EYS: variants seen among roughly 807,000 people sequenced by gnomAD.
The protein encoded by EYS is protein eyes shut homolog.
In EYS, 250 loss-of-function variants were observed where a neutral mutation model predicts 282.1. The ratio of observed to expected loss-of-function variants is 0.89; its 90% CI spans 0.80 to 0.98. The LOEUF is 0.98. EYS is among the 50% of genes least tolerant of loss of function. EYS has a pLI of 0.00. For synonymous variants in EYS, 1,355 were observed against 1,282.9 expected, an observed-to-expected ratio of 1.06 and a Z score of -1.20; for missense variants, 4,016 against 3,709.0, an observed-to-expected ratio of 1.08 and a Z score of -2.15.
chr6:65,111,737 C>T (rs1213555835), intron 12 of EYS, among the ~76,000 whole-genome samples: 1 of 152,144 alleles, frequency 6.6e-6, no homozygotes, highest in East Asian at 1.9e-4. Context: ...ATCCCAGCTA[C>T]TCAGGAGGCT....
At chr6:65,609,006 T>C (rs909714685) in intron 2 of EYS, among the ~76,000 whole-genome samples, 1 of 152,058 alleles carries the variant, frequency 6.6e-6, no homozygotes, top group Non-Finnish European at 1.5e-5. Context: ...TCTTTTTTAA[T>C]AAGTAGAAAG....
chr6:63,959,173 A>G (rs1476065435), intron 35 of EYS, among the ~76,000 whole-genome samples: 3 of 152,200 alleles, frequency 2.0e-5, no homozygotes, highest in Non-Finnish European at 4.4e-5. Context: ...ATTTACAAGA[A>G]TAAAACAACC....
chr6:64,920,465 C>T (rs1768307198), intron 15 of EYS, among the ~76,000 whole-genome samples: 1 of 152,004 alleles, frequency 6.6e-6, no homozygotes, highest in Non-Finnish European at 1.5e-5. Flanking sequence ...GATGATGAAT[C>T]AGTTTCTGAG....
In EYS at chr6:65,098,621, C is replaced by G. The variant is rs530981583; in HGVS notation, c.2024-40894G>C. ...TGCCAGTTTTGACAAGTTATGAATA[C>G]AACTCCCAAGAAGCCAAATACATTT... On this transcript the variant is annotated intron_variant, in intron 12 of 42. Coordinates refer to ENST00000503581, the MANE Select transcript of EYS (RefSeq NM_001142800.2). Among the ~76,000 whole-genome samples the G allele has an allele frequency of 3.3e-5, 5 of 150,866 alleles. No homozygotes were observed. In the East Asian group the frequency reaches 9.7e-4, roughly 29 times the overall value.
chr6:65,465,390 T>C (rs1322901549), intron 5 of EYS, among the ~76,000 whole-genome samples: 1 of 151,916 alleles, frequency 6.6e-6, no homozygotes, highest in Non-Finnish European at 1.5e-5. Flanking sequence ...GGTGGGAAAA[T>C]CACTTGAATC....
chr6:64,063,061 C>T lies in EYS; in HGVS notation c.6725+3277G>A, dbSNP rs759098362. On this transcript the variant is annotated intron_variant, in intron 33 of 42. Coordinates refer to ENST00000503581, the MANE Select transcript of EYS (RefSeq NM_001142800.2). ...TTTTTTGGCTGTTACTTCCTACTTACTCCTTGTCAGACTCTTTTATGATTT... is the reference window on the plus strand; with the variant it reads ...TTTTTTGGCTGTTACTTCCTACTTATTCCTTGTCAGACTCTTTTATGATTT... 2.0e-5 allele frequency among the ~76,000 whole-genome samples: 3 copies of T among 152,194 alleles called. No individual in the cohort carries two copies. In the South Asian group the frequency reaches 6.2e-4, roughly 32 times the overall value.
At chr6:64,168,217 C>T (rs557003374) in intron 31 of EYS, among the ~76,000 whole-genome samples, 7 of 152,028 alleles carry the variant, frequency 4.6e-5, no homozygotes, top group South Asian at 2.1e-4. Flanking sequence ...GCCAAGATCA[C>T]GCCACTGCAC....
chr6:65,333,706 G>T (rs1234261943), intron 11 of EYS, among the ~76,000 whole-genome samples: 1 of 150,484 alleles, frequency 6.6e-6, no homozygotes, highest in African/African-American at 2.4e-5. Flanking sequence ...TTATTTTGAG[G>T]CTCTGTTGTT....
chr6:65,180,557 A>C (rs1313340707), intron 12 of EYS, among the ~76,000 whole-genome samples: 1 of 152,010 alleles, frequency 6.6e-6, no homozygotes, highest in Non-Finnish European at 1.5e-5. Flanking sequence ...AAATAAAAGA[A>C]GATACAAACA....
intron 12 of EYS, among the ~76,000 whole-genome samples, chr6:65,224,480 A>G (rs950870578): frequency 6.6e-6 from 1 of 152,162 alleles, no homozygotes; most frequent in African/African-American, 2.4e-5. Flanking sequence ...CAAATCAACA[A>G]CCTAATGTTA....
At chr6:63,780,180 C>G (rs1770178862) in intron 39 of EYS, among the ~76,000 whole-genome samples, 1 of 152,166 alleles carries the variant, frequency 6.6e-6, no homozygotes, top group African/African-American at 2.4e-5. Context: ...CAAGTCTTTG[C>G]TATTGTGAAT....
chr6:64,854,145 G>C (rs527399021), intron 19 of EYS, among the ~76,000 whole-genome samples: 2 of 152,198 alleles, frequency 1.3e-5, no homozygotes, highest in Non-Finnish European at 2.9e-5. Context: ...CTTTTACACT[G>C]TTGCTGGGAC....
chr6:64,555,502 T>G (rs1765208730), intron 26 of EYS, among the ~76,000 whole-genome samples: 1 of 151,918 alleles, frequency 6.6e-6, no homozygotes, highest in Admixed American at 6.6e-5. Context: ...TGAGTGTTAT[T>G]ACCACAAAAA....
At chr6:65,582,088 C>T (rs1339048569) in intron 2 of EYS, among the ~76,000 whole-genome samples, 2 of 151,130 alleles carry the variant, frequency 1.3e-5, no homozygotes, top group Non-Finnish European at 2.9e-5. Flanking sequence ...CCCAGCTACT[C>T]GGGAGGCTGA....
At position 64,865,793 on chromosome 6, in the gene EYS, A is replaced by G. The variant is rs373265627; in HGVS notation, c.2992+20904T>C. On this transcript the variant is annotated intron_variant, in intron 19 of 42. Coordinates refer to ENST00000503581, the MANE Select transcript of EYS (RefSeq NM_001142800.2). ...TCAATGAAGGATAATGATACCCTAG[A>G]CTGATGTAGCTGCAATAAAGGGAAG... 7.2e-4 allele frequency among the ~76,000 whole-genome samples: 110 copies of G among 152,212 alleles called. 4 individuals are homozygous for G. The South Asian group carries it at 0.023, about 32-fold the overall frequency.
intron 28 of EYS, among the ~76,000 whole-genome samples, chr6:64,419,460 C>A (rs1561984334): frequency 6.6e-6 from 1 of 152,196 alleles, no homozygotes; most frequent in Non-Finnish European, 1.5e-5. Flanking sequence ...AGTCTTAGCT[C>A]ATTCCAGCAT....
At chr6:64,215,101 T>C (rs1765890940) in intron 31 of EYS, among the ~76,000 whole-genome samples, 1 of 152,122 alleles carries the variant, frequency 6.6e-6, no homozygotes. Flanking sequence ...AAAATTGAGA[T>C]CAAAATTTGG....
chr6:65,027,130 C>T (rs1390362909), intron 13 of EYS, among the ~76,000 whole-genome samples: 1 of 151,708 alleles, frequency 6.6e-6, no homozygotes, highest in Admixed American at 6.6e-5. Flanking sequence ...TGCATCTATA[C>T]CTCAGTAAGA....
Position 65,433,421 on chromosome 6 carries a change from A to C in EYS, c.863-28054T>G, listed in dbSNP as rs537765715. ...GGACTCACCAGGGTACATGATTTAA[A>C]AAAAACAGAATGCTTCAACAAGATT... On this transcript the variant is annotated intron_variant, in intron 5 of 42. Transcript: ENST00000503581. 1.3e-4 allele frequency among the ~76,000 whole-genome samples: 20 copies of C among 152,308 alleles called. 1 individual carries two copies. The East Asian group carries it at 3.9e-3, about 29-fold the overall frequency.
Sources: gnomAD v4.1 joint callset for allele counts (sites outside exome capture counted in the v4.1 genomes callset) on GRCh38, gnomAD v4.1.1 for gene constraint, MANE v1.5 for transcripts, NCBI Gene and HGNC (gene_info 2026-07-23, HGNC 2026-07-21) for gene names.